GPALPP1: variants seen among roughly 807,000 people sequenced by gnomAD.
The protein encoded by GPALPP1 is GPALPP motifs containing 1, also known as GPALPP motifs-containing protein 1.
A neutral mutation model predicts 38.9 loss-of-function variants in GPALPP1; 30 were observed. The ratio of observed to expected loss-of-function variants is 0.77; its 90% CI spans 0.58 to 1.05. The LOEUF is 1.05. Among genes scored for constraint, GPALPP1 ranks in the 50% least tolerant of loss-of-function variants. GPALPP1 has a pLI of 0.00. For synonymous variants in GPALPP1, 120 were observed against 139.2 expected, an observed-to-expected ratio of 0.86 and a Z score of 0.97; for missense variants, 384 against 408.8, an observed-to-expected ratio of 0.94 and a Z score of 0.52.
chr13:45,026,835 T>C (rs1182032489), intron 7 of GPALPP1, among the ~76,000 whole-genome samples: 1 of 152,218 alleles, frequency 6.6e-6, no homozygotes, highest in African/African-American at 2.4e-5. Context: ...GTTTCAATCA[T>C]ACCGGTATTT....
rs1032721064 is a variant in GPALPP1, at chr13:45,028,073, TTAA to T, written c.*75_*77del. On this transcript the variant is annotated 3_prime_UTR_variant, in exon 8 of 8. Coordinates refer to ENST00000379151, the MANE Select transcript of GPALPP1 (RefSeq NM_018559.5). ...AACTTTTCTAAATACTCTATTGTCT[TTAA>T]TAATTGTGCTGAAATCTATTTCCTT... The T allele has an allele frequency of 1.2e-5, 9 of 726,960 alleles. No individual in the cohort carries two copies. The African/African-American group carries it at 1.6e-4, about 13-fold the overall frequency. The allele number at this position is 726,960 out of a possible 1,614,324, so 45.0% of individuals were successfully genotyped here.
intron 1 of GPALPP1, among the ~76,000 whole-genome samples, chr13:45,001,275 C>T (rs754696184): frequency 6.6e-6 from 1 of 152,132 alleles, no homozygotes; most frequent in African/African-American, 2.4e-5. Flanking sequence ...CATAATTGTA[C>T]GTTTCCTGAG....
At chr13:45,036,170 T>G (rs770662503) in exon 8 of GPALPP1, 2 of 152,242 alleles carry the variant, frequency 1.3e-5, no homozygotes, top group Non-Finnish European at 2.9e-5. Flanking sequence ...TCTTGAAGAA[T>G]GGATTGTCAC....
At chr13:45,027,103 G>A (rs577395896) in intron 7 of GPALPP1, among the ~76,000 whole-genome samples, 1 of 152,202 alleles carries the variant, frequency 6.6e-6, no homozygotes, top group African/African-American at 2.4e-5. Flanking sequence ...CAGATTGAAG[G>A]CTGCTGGTCT....
chr13:45,019,036 T>C (rs1875142073), intron 6 of GPALPP1, among the ~76,000 whole-genome samples: 1 of 24,234 alleles, frequency 4.1e-5, no homozygotes, highest in South Asian at 1.5e-3. Context: ...AATATATACA[T>C]AGAAATATAT....
At chr13:45,034,918 T>C (rs1233558250), downstream of GPALPP1, 4 of 149,604 alleles carry the variant, frequency 2.7e-5, no homozygotes, top group Non-Finnish European at 5.9e-5. Context: ...GTATTTTTAG[T>C]AGAGACAGGG....
chr13:44,989,594 T>C lies in GPALPP1; in HGVS notation c.-61T>C, dbSNP rs777249658. 696 of 1,519,998 alleles carry C rather than the reference T, an allele frequency of 4.6e-4. No individual in the cohort carries two copies. The highest frequency in any genetic ancestry group is 5.8e-4 in the Non-Finnish European group (639 of 1,100,186). The allele number at this position is 1,519,998 out of a possible 1,614,324, so 94.2% of individuals were successfully genotyped here. A position where few individuals can be genotyped will look rare whatever the true frequency, so the allele number is the denominator to read the frequency against. On this transcript the variant is annotated 5_prime_UTR_variant, in exon 1 of 8. Coordinates refer to ENST00000379151, the MANE Select transcript of GPALPP1 (RefSeq NM_018559.5). Reference sequence around the variant, plus strand: ...CTTCGCTGCTGATCGCGGGATTCTTTTTGGATAGGGTTGACGTTCGTGGAT... The same window carrying C: ...CTTCGCTGCTGATCGCGGGATTCTTCTTGGATAGGGTTGACGTTCGTGGAT...
intron 3 of GPALPP1, among the ~76,000 whole-genome samples, chr13:45,006,944 C>T (rs1874145600): frequency 6.6e-6 from 1 of 151,814 alleles, no homozygotes; most frequent in Non-Finnish European, 1.5e-5. Context: ...GATCGCACAT[C>T]AAATTGTTTA....
intron 7 of GPALPP1, among the ~76,000 whole-genome samples, chr13:45,021,124 C>T (rs2138007101): frequency 6.6e-6 from 1 of 152,210 alleles, no homozygotes; most frequent in Middle Eastern, 3.4e-3. Flanking sequence ...AAAAAAATGG[C>T]AAATGTTGGA....
intron 6 of GPALPP1, among the ~76,000 whole-genome samples, chr13:45,018,561 T>G (rs2137998266): frequency 6.6e-6 from 1 of 152,314 alleles, no homozygotes; most frequent in South Asian, 2.1e-4. Context: ...ACATCACTTT[T>G]CTTTTTTTAT....
chr13:45,019,551 G>A (rs571096255), intron 6 of GPALPP1, among the ~76,000 whole-genome samples: 16 of 150,190 alleles, frequency 1.1e-4, no homozygotes, highest in Admixed American at 3.3e-4. Context: ...AGTTTGCTAC[G>A]CAGTTCACAG....
At chr13:45,003,939 T>G (rs926191517) in intron 1 of GPALPP1, among the ~76,000 whole-genome samples, 9 of 150,640 alleles carry the variant, frequency 6.0e-5, no homozygotes, top group Non-Finnish European at 8.9e-5. Flanking sequence ...GCCATTGGGG[T>G]TTTTTTTTGT....
chr13:45,005,456 C>A (rs1201247471), intron 2 of GPALPP1, among the ~76,000 whole-genome samples: 8 of 151,950 alleles, frequency 5.3e-5, no homozygotes, highest in Admixed American at 4.6e-4. Flanking sequence ...AATGAGAAGT[C>A]AAATCTTTGT....
intron 7 of GPALPP1, among the ~76,000 whole-genome samples, chr13:45,027,335 G>A (rs1370255425): frequency 6.6e-6 from 1 of 152,102 alleles, no homozygotes; most frequent in South Asian, 2.1e-4. Flanking sequence ...AAAAGAGAAC[G>A]ACAGAAAACT....
intron 6 of GPALPP1, among the ~76,000 whole-genome samples, chr13:45,015,970 C>T (rs1223568327): frequency 1.3e-5 from 2 of 151,846 alleles, no homozygotes; most frequent in Non-Finnish European, 2.9e-5. Context: ...GGTCTTTTTA[C>T]ACCATACTAT....
intron 4 of GPALPP1, among the ~76,000 whole-genome samples, chr13:45,011,131 A>C (rs958845049): frequency 1.3e-5 from 2 of 152,132 alleles, no homozygotes; most frequent in Admixed American, 1.3e-4. Context: ...GGCAAAAGAG[A>C]GTGTGGAGAG....
intron 1 of GPALPP1, among the ~76,000 whole-genome samples, chr13:44,991,039 G>A (rs1457522713): frequency 1.3e-5 from 2 of 152,100 alleles, no homozygotes; most frequent in East Asian, 1.9e-4. Flanking sequence ...GCAGTGAGCC[G>A]AGAGTGCCAC....
At chr13:45,014,458 G>A (rs1046889223) in intron 4 of GPALPP1, among the ~76,000 whole-genome samples, 1 of 151,692 alleles carries the variant, frequency 6.6e-6, no homozygotes, top group Admixed American at 6.6e-5. Flanking sequence ...TTGGATAATA[G>A]TTTTATTACA....
intron 7 of GPALPP1, among the ~76,000 whole-genome samples, chr13:45,023,503 G>A (rs1450172966): frequency 6.6e-6 from 1 of 151,984 alleles, no homozygotes; most frequent in East Asian, 1.9e-4. Flanking sequence ...ATTTTTGTTT[G>A]CTTTTTGTTA....
Sources: allele counts gnomAD v4.1 joint callset (sites outside exome capture counted in the v4.1 genomes callset), GRCh38; gene constraint gnomAD v4.1.1; transcripts MANE v1.5; gene names NCBI Gene and HGNC (gene_info 2026-07-23, HGNC 2026-07-21).